SKAP2: variants seen among roughly 807,000 people sequenced by gnomAD.
SKAP2 encodes src kinase-associated phosphoprotein 2.
SKAP2 carries 28 observed loss-of-function variants against 54.9 expected under a neutral mutation model. That is an observed-to-expected ratio of 0.51 (90% CI 0.38 to 0.70). SKAP2 has a LOEUF of 0.70. Ranked by LOEUF, SKAP2 falls within the 30% of genes least tolerant of loss-of-function variation. The probability of loss-of-function intolerance (pLI) is 0.00; values close to 1 mark genes in which losing one functional copy is unlikely to be tolerated. For synonymous variants in SKAP2, 137 were observed against 134.3 expected (o/e 1.02, Z -0.14); for missense variants, 356 against 424.1 (o/e 0.84, Z 1.41).
Position 26,864,516 on chromosome 7 carries a change from G to C in SKAP2, c.-87C>G, listed in dbSNP as rs1426663538. ...GGCTGCGGCTGCGACCTAGACTCAG[G>C]CTAGCGGCCCGGATTAAGAACAGCG... is the stretch of plus-strand genomic sequence containing the variant. On this transcript the variant is annotated 5_prime_UTR_variant, in exon 1 of 13. Transcript: ENST00000345317. 3 of 1,499,500 alleles carry C rather than the reference G, an allele frequency of 2.0e-6. No homozygotes were observed. The highest frequency in any genetic ancestry group is 1.3e-5 in the South Asian group (1 of 76,048). 92.9% of individuals were successfully genotyped at this position (1,499,500 alleles called of 1,614,324 possible).
At chr7:26,742,781 T>A (rs1782481380) in intron 4 of SKAP2, among the ~76,000 whole-genome samples, 2 of 152,180 alleles carry the variant, frequency 1.3e-5, no homozygotes, top group South Asian at 4.1e-4. Flanking sequence ...GATTTTTAAA[T>A]TTTCAGAAGA....
At chr7:26,702,536 G>A (rs1428737599) in intron 9 of SKAP2, among the ~76,000 whole-genome samples, 5 of 152,062 alleles carry the variant, frequency 3.3e-5, no homozygotes, top group Non-Finnish European at 7.4e-5. Flanking sequence ...GTGACAGTTT[G>A]TCAGTTCTTC....
chr7:26,661,461 A>G, the SKAP2 span, among the ~76,000 whole-genome samples: 1 of 148,974 alleles, frequency 6.7e-6, no homozygotes, highest in African/African-American at 2.6e-5. Flanking sequence ...TTAGAATGTC[A>G]GTTTAAAAAA....
At chr7:26,858,262 C>T (rs1785214531) in intron 1 of SKAP2, 1 of 152,240 alleles carries the variant, frequency 6.6e-6, no homozygotes, top group African/African-American at 2.4e-5. Flanking sequence ...CAGAATTACC[C>T]CTATCTCCAT....
intron 3 of SKAP2, among the ~76,000 whole-genome samples, chr7:26,850,414 T>C (rs1354141146): frequency 1.3e-5 from 2 of 151,576 alleles, no homozygotes; most frequent in Non-Finnish European, 2.9e-5. Flanking sequence ...AACCCATCTC[T>C]ACAAAAAAAT....
intron 6 of SKAP2, among the ~76,000 whole-genome samples, chr7:26,728,621 C>G (rs897086869): frequency 6.6e-6 from 1 of 152,074 alleles, no homozygotes; most frequent in African/African-American, 2.4e-5. Flanking sequence ...GCACTTAAAA[C>G]CAGCACGCAG....
intron 3 of SKAP2, among the ~76,000 whole-genome samples, chr7:26,846,874 G>A (rs560338695): frequency 2.1e-4 from 32 of 152,166 alleles, no homozygotes; most frequent in Non-Finnish European, 4.1e-4. Context: ...CCAGCTACTC[G>A]GGAGGCTGAG....
chr7:26,745,930 C>T (rs1329607779), intron 4 of SKAP2, among the ~76,000 whole-genome samples: 1 of 152,206 alleles, frequency 6.6e-6, no homozygotes, highest in Non-Finnish European at 1.5e-5. Flanking sequence ...AGGTGATACT[C>T]TCACCTATCC....
intron 6 of SKAP2, among the ~76,000 whole-genome samples, chr7:26,729,050 G>C (rs1391514628): frequency 6.6e-6 from 1 of 152,122 alleles, no homozygotes; most frequent in African/African-American, 2.4e-5. Flanking sequence ...GAGCTGAGGG[G>C]AACAGATCTT....
At chr7:26,823,265 A>C (rs1423806772) in intron 4 of SKAP2, among the ~76,000 whole-genome samples, 1 of 151,852 alleles carries the variant, frequency 6.6e-6, no homozygotes, top group Non-Finnish European at 1.5e-5. Flanking sequence ...GTCTCTACTG[A>C]AAATACAAAA....
chr7:26,714,228 C>A (rs1472204160), intron 9 of SKAP2, among the ~76,000 whole-genome samples: 1 of 152,014 alleles, frequency 6.6e-6, no homozygotes, highest in Non-Finnish European at 1.5e-5. Context: ...TGAAAAGAGG[C>A]CCATGCAGGA....
intron 4 of SKAP2, among the ~76,000 whole-genome samples, chr7:26,751,827 C>A (rs922219678): frequency 1.5e-5 from 2 of 137,550 alleles, no homozygotes; most frequent in Non-Finnish European, 3.1e-5. Flanking sequence ...TGTACAGATA[C>A]ATTTGGAGAG....
At chr7:26,711,401 G>A (rs999288769) in intron 9 of SKAP2, among the ~76,000 whole-genome samples, 1 of 152,170 alleles carries the variant, frequency 6.6e-6, no homozygotes, top group African/African-American at 2.4e-5. Flanking sequence ...CAGATAGTGA[G>A]ATATGTTAGA....
In SKAP2 at chr7:26,854,785, A is replaced by G; in HGVS notation, c.173T>C (p.Ile58Thr). 2.5e-6 allele frequency: 4 copies of G among 1,594,550 alleles called. No individual in the cohort carries two copies. Among genetic ancestry groups the G allele is most frequent in the Non-Finnish European group, 3.4e-6 (4 of 1,167,090 alleles). The change falls in exon 2 of 13, where the codon ATC becomes ACC. Residue 58 changes from isoleucine to threonine, a missense_variant and splice_region_variant. Coordinates refer to ENST00000345317, the MANE Select transcript of SKAP2 (RefSeq NM_003930.5). ...LIKKIKDVKS[I>T]YLQEFQDKGD... Reference sequence around the variant, plus strand: ...AGTAAACAAAAGGTAAGTGACTTACATAGACTTTACATCTTTTATCTTCTT... The same window carrying G: ...AGTAAACAAAAGGTAAGTGACTTACGTAGACTTTACATCTTTTATCTTCTT...
chr7:26,724,708 T>C (rs1437659130), intron 9 of SKAP2, among the ~76,000 whole-genome samples: 3 of 152,170 alleles, frequency 2.0e-5, no homozygotes, highest in Non-Finnish European at 4.4e-5. Flanking sequence ...GTATTAGTAA[T>C]ACAATTTCCT....
intron 4 of SKAP2, among the ~76,000 whole-genome samples, chr7:26,809,742 TCCCA>T (rs1784100984): frequency 1.3e-5 from 2 of 152,148 alleles, no homozygotes; most frequent in African/African-American, 4.8e-5. Flanking sequence ...GATCCAGTAA[TCCCA>T]CTTCTGGGAA....
chr7:26,677,774 T>C (rs1225857656), intron 11 of SKAP2, among the ~76,000 whole-genome samples: 1 of 152,250 alleles, frequency 6.6e-6, no homozygotes, highest in African/African-American at 2.4e-5. Context: ...TAACAGTTTG[T>C]GGCTTTTCTG....
At chr7:26,782,181 A>G (rs1311395413) in intron 4 of SKAP2, among the ~76,000 whole-genome samples, 1 of 152,228 alleles carries the variant, frequency 6.6e-6, no homozygotes, top group African/African-American at 2.4e-5. Flanking sequence ...AGCCATTATA[A>G]CATCATTTGG....
chr7:26,656,790 TA>T, the SKAP2 span, among the ~76,000 whole-genome samples: 1 of 152,104 alleles, frequency 6.6e-6, no homozygotes, highest in Non-Finnish European at 1.5e-5. Context: ...ATGGGTGAAG[TA>T]CCTCTTACTT....
Sources: allele counts gnomAD v4.1 joint callset (sites outside exome capture counted in the v4.1 genomes callset), GRCh38; gene constraint gnomAD v4.1.1; transcripts MANE v1.5; gene names NCBI Gene and HGNC (gene_info 2026-07-23, HGNC 2026-07-21).